FANCF: variants seen among roughly 807,000 people sequenced by gnomAD.
The protein encoded by FANCF is FA complementation group F.
For missense variants in FANCF, 552 were observed against 481.8 expected (o/e 1.15, Z -1.36); for synonymous variants, 257 against 205.9 (o/e 1.25, Z -2.13).
rs1036378563 is a variant in FANCF, at chr11:22,622,624, C to A, written c.*2062G>T. 5.4e-6 allele frequency: 1 copy of A among 185,076 alleles called. No individual in the cohort carries two copies. The highest frequency in any genetic ancestry group is 2.3e-5 in the African/African-American group (1 of 42,672). 11.5% of individuals were successfully genotyped at this position (185,076 alleles called of 1,614,324 possible). ...GTATATAAAGCTCTAATGCTGGTTTCATTTATTCAAACACTACAAGTATCT... is the reference window on the plus strand; with the variant it reads ...GTATATAAAGCTCTAATGCTGGTTTAATTTATTCAAACACTACAAGTATCT... On this transcript the variant is annotated 3_prime_UTR_variant, in exon 1 of 1. Coordinates refer to ENST00000327470, the MANE Select transcript of FANCF (RefSeq NM_022725.4).
rs954488568 is a variant in FANCF at position 22,623,763 on chromosome 11, G to C, written c.*923C>G. The C allele has an allele frequency of 1.1e-5, 2 of 180,176 alleles. No individual in the cohort carries two copies. The highest frequency in any genetic ancestry group is 1.8e-4 in the East Asian group (2 of 10,862). 11.2% of individuals were successfully genotyped at this position (180,176 alleles called of 1,614,324 possible). A position where few individuals can be genotyped will look rare whatever the true frequency, so the allele number is the denominator to read the frequency against. ...TAATCCCAGCACTTTGGGAGGCCAA[G>C]GCGGACGGATCACAAGGTCAGGTGT... On this transcript the variant is annotated 3_prime_UTR_variant, in exon 1 of 1. Coordinates refer to ENST00000327470, the MANE Select transcript of FANCF (RefSeq NM_022725.4).
rs371631248 is a variant in FANCF, at chr11:22,624,875, T to C, written c.936A>G (p.Gln312=). The C allele has an allele frequency of 1.2e-6, 2 of 1,614,118 alleles. No homozygotes were observed. The highest frequency in any genetic ancestry group is 1.7e-6 in the Non-Finnish European group (2 of 1,180,004). ...VPWEELHNRF[Q]SLCQAPPPLK... is the part of the protein sequence containing the mutation. ...GAGGTGGAGGGGCCTGACAGAGGCT[T>C]TGAAACCTATTGTGCAACTCCTCCC... Residue 312 remains glutamine (Q), a synonymous_variant, in exon 1 of 1, where the codon CAA becomes CAG. Transcript: ENST00000327470.
Position 22,624,980 on chromosome 11 carries a change from C to G in FANCF, c.831G>C (p.Leu277=), listed in dbSNP as rs1858619450. 1.2e-6 allele frequency: 2 copies of G among 1,614,074 alleles called. No homozygotes were observed. The highest frequency in any genetic ancestry group is 1.3e-5 in the African/African-American group (1 of 74,928). Reference sequence around the variant, plus strand: ...GCAAACGTTGACCCCAGTCTGTTAGCAGACCCAGATAGACAGGAGACAGCG... The same window carrying G: ...GCAAACGTTGACCCCAGTCTGTTAGGAGACCCAGATAGACAGGAGACAGCG... The part of the protein sequence containing the change: ...HPALSPVYLG[L]LTDWGQRLHY... Residue 277 remains leucine (L), a synonymous_variant, in exon 1 of 1, where the codon CTG becomes CTC. Coordinates refer to ENST00000327470, the MANE Select transcript of FANCF (RefSeq NM_022725.4).
Position 22,625,789 on chromosome 11 carries a change from G to A in FANCF, c.22C>T (p.Leu8=), listed in dbSNP as rs1181623769. The A allele has an allele frequency of 3.1e-6, 5 of 1,614,014 alleles. No individual in the cohort carries two copies. Among genetic ancestry groups the A allele is most frequent in the Non-Finnish European group, 4.2e-6 (5 of 1,180,040 alleles). The change falls in exon 1 of 1, where the codon CTG becomes TTG. Residue 8 remains leucine (L), a synonymous_variant. Coordinates refer to ENST00000327470, the MANE Select transcript of FANCF (RefSeq NM_022725.4). MESLLQH[L]DRFSELLAVS... Reference sequence around the variant, plus strand: ...GCCAGAAGCTCGGAAAAGCGATCCAGGTGCTGCAGAAGGGATTCCATGAGG... The same window carrying A: ...GCCAGAAGCTCGGAAAAGCGATCCAAGTGCTGCAGAAGGGATTCCATGAGG...
chr11:22,625,619 G>T lies in FANCF; in HGVS notation c.192C>A (p.Asn64Lys), dbSNP rs1413335884. The T allele has an allele frequency of 1.2e-6, 2 of 1,613,638 alleles. No homozygotes were observed. ...CAAAGCCGCCCTCTTGCCTCCACTGGTTGTGCAGCCGCCGCTCCAGAGCCG... is the reference window on the plus strand; with the variant it reads ...CAAAGCCGCCCTCTTGCCTCCACTGTTTGTGCAGCCGCCGCTCCAGAGCCG... ...IRTALERRLH[N>K]QWRQEGGFGR... Residue 64 changes from asparagine (N) to lysine (K), a missense_variant, in exon 1 of 1, where the codon AAC becomes AAA. Transcript: ENST00000327470.
At position 22,625,615 on chromosome 11, in the gene FANCF, A is replaced by G. The variant is rs1055714341; in HGVS notation, c.196T>C (p.Trp66Arg). 1.2e-6 allele frequency: 2 copies of G among 1,613,492 alleles called. No homozygotes were observed. Among genetic ancestry groups the G allele is most frequent in the African/African-American group, 1.3e-5 (1 of 74,894 alleles). The change falls in exon 1 of 1, where the codon TGG becomes CGG. Residue 66 changes from tryptophan to arginine, a missense_variant. Physicochemically the swap from Trp to Arg is moderately radical, Grantham distance 101. Transcript: ENST00000327470. ...TALERRLHNQWRQEGGFGRGP... is the reference protein window; with the variant it reads ...TALERRLHNQRRQEGGFGRGP... ...CGCCCAAAGCCGCCCTCTTGCCTCC[A>G]CTGGTTGTGCAGCCGCCGCTCCAGA... is the stretch of plus-strand genomic sequence containing the variant.
In FANCF at chr11:22,625,548, T is replaced by G. The variant is rs752081138; in HGVS notation, c.263A>C (p.His88Pro). 6.2e-7 allele frequency: 1 copy of G among 1,614,082 alleles called. No individual in the cohort carries two copies. The highest frequency in any genetic ancestry group is 1.7e-5 in the Admixed American group (1 of 60,032). ...GCGCAGAGAGAGCAGGACGTCACAG[T>G]GACCGAGGGCCTGGAAGTTCGCTAA... ...PGLANFQALGHCDVLLSLRLL... is the reference protein window; with the variant it reads ...PGLANFQALGPCDVLLSLRLL... Residue 88 changes from histidine to proline, a missense_variant, in exon 1 of 1, where the codon CAC (histidine) becomes CCC (proline). Coordinates refer to ENST00000327470, the MANE Select transcript of FANCF (RefSeq NM_022725.4).
In FANCF at chr11:22,625,802, G is replaced by A. The variant is rs1404225853; in HGVS notation, c.9C>T (p.Ser3=). The change falls in exon 1 of 1, where the codon TCC becomes TCT. Residue 3 remains serine (S), a synonymous_variant. Transcript: ENST00000327470. ME[S]LLQHLDRFSE... Reference sequence around the variant, plus strand: ...AAAAGCGATCCAGGTGCTGCAGAAGGGATTCCATGAGGTGCGCGAAGGCCC... The same window carrying A: ...AAAAGCGATCCAGGTGCTGCAGAAGAGATTCCATGAGGTGCGCGAAGGCCC... The A allele has an allele frequency of 6.2e-7, 1 of 1,614,066 alleles. No homozygotes were observed. Among genetic ancestry groups the A allele is most frequent in the Non-Finnish European group, 8.5e-7 (1 of 1,180,036 alleles).
rs1387756217 is a variant in FANCF at position 22,624,520 on chromosome 11, T to G, written c.*166A>C. ...CCTCTATCCAGAAAATCCGTGACAC[T>G]ACATGCCAGCTACTTTGCATATTTA... On this transcript the variant is annotated 3_prime_UTR_variant, in exon 1 of 1. Transcript: ENST00000327470. 1.0e-5 allele frequency: 7 copies of G among 669,452 alleles called. No individual in the cohort carries two copies. Among genetic ancestry groups the G allele is most frequent in the Non-Finnish European group, 1.8e-5 (7 of 388,770 alleles). The allele number at this position is 669,452 out of a possible 1,614,324, so 41.5% of individuals were successfully genotyped here. A position where few individuals can be genotyped will look rare whatever the true frequency, so the allele number is the denominator to read the frequency against.
rs374572943 is a variant in FANCF at position 22,625,461 on chromosome 11, G to A, written c.350C>T (p.Pro117Leu). The A allele has an allele frequency of 1.5e-4, 244 of 1,614,108 alleles. 3 individuals carry two copies. The highest frequency in any genetic ancestry group is 3.3e-4 in the South Asian group (30 of 91,090). Residue 117 changes from proline (P) to leucine (L), a missense_variant, in exon 1 of 1, where the codon CCC becomes CTC. Pro to Leu is a moderately conservative substitution (Grantham distance 98). Coordinates refer to ENST00000327470, the MANE Select transcript of FANCF (RefSeq NM_022725.4). ...ATCGGCGTCCCGGACGCCCGGGCCGGGAAAGAGTTGCTGCACCAGGTGGTA... is the reference window on the plus strand; with the variant it reads ...ATCGGCGTCCCGGACGCCCGGGCCGAGAAAGAGTTGCTGCACCAGGTGGTA... ...ARYHLVQQLF[P>L]GPGVRDADEE...
In FANCF at chr11:22,624,649, C is replaced by T. The variant is rs748482579; in HGVS notation, c.*37G>A. Reference sequence around the variant, plus strand: ...AACATTGTAATTTTCATTTTGTAAACTATATATTCTATATTCAAGTAATAA... The same window carrying T: ...AACATTGTAATTTTCATTTTGTAAATTATATATTCTATATTCAAGTAATAA... On this transcript the variant is annotated 3_prime_UTR_variant, in exon 1 of 1. Transcript: ENST00000327470. 6 of 1,584,470 alleles carry T rather than the reference C, an allele frequency of 3.8e-6. No individual in the cohort carries two copies. Among genetic ancestry groups the T allele is most frequent in the South Asian group, 1.1e-5 (1 of 90,454 alleles).
chr11:22,624,688 A>G lies in FANCF; in HGVS notation c.1123T>C (p.Ter375GlnextTer33), dbSNP rs1160334391. The change falls in exon 1 of 1, where the codon TAG becomes CAG. Residue 375 changes from the stop codon to glutamine, a stop_lost. Transcript: ENST00000327470. The part of the protein sequence containing the change: ...LGLSAGLSSV[*>Q] ...TTCAAGTAATAACACAGCATTGCCT[A>G]TACAGAACTGAGGCCTGCGCTGAGA... is the stretch of plus-strand genomic sequence containing the variant. The G allele has an allele frequency of 3.7e-6, 6 of 1,613,826 alleles. No individual in the cohort carries two copies. The highest frequency in any genetic ancestry group is 5.1e-6 in the Non-Finnish European group (6 of 1,179,780).
At position 22,624,079 on chromosome 11, in the gene FANCF, G is replaced by C. The variant is rs964587401; in HGVS notation, c.*607C>G. 4.3e-6 allele frequency: 1 copy of C among 232,754 alleles called. No individual in the cohort carries two copies. Among genetic ancestry groups the C allele is most frequent in the Non-Finnish European group, 8.5e-6 (1 of 117,856 alleles). The allele number at this position is 232,754 out of a possible 1,614,324, so 14.4% of individuals were successfully genotyped here. A position where few individuals can be genotyped will look rare whatever the true frequency, so the allele number is the denominator to read the frequency against. ...CGTATTTACTGTGCTTTAAACATTTGTCTGTGCGTCAATGCTTTAAAGGGA... is the reference window on the plus strand; with the variant it reads ...CGTATTTACTGTGCTTTAAACATTTCTCTGTGCGTCAATGCTTTAAAGGGA... On this transcript the variant is annotated 3_prime_UTR_variant, in exon 1 of 1. Transcript: ENST00000327470.
chr11:22,625,345 T>C lies in FANCF; in HGVS notation c.466A>G (p.Asn156Asp), dbSNP rs370979205. ...TTCATCAGAGAGTCCTCCTGGAGAT[T>C]TGGGTTCTCTCTATAGCCATTGAAG... Reference protein sequence around the residue: ...LRFNGYRENPNLQEDSLMKTQ... With the variant: ...LRFNGYRENPDLQEDSLMKTQ... The change falls in exon 1 of 1, where the codon AAT becomes GAT. Residue 156 changes from asparagine to aspartate, a missense_variant. Physicochemically the swap from Asn to Asp is conservative, Grantham distance 23. Transcript: ENST00000327470. The C allele has an allele frequency of 2.5e-5, 40 of 1,613,988 alleles. No homozygotes were observed. The highest frequency in any genetic ancestry group is 3.2e-5 in the Non-Finnish European group (38 of 1,180,018).
At position 22,624,113 on chromosome 11, in the gene FANCF, G is replaced by C. The variant is rs1212595329; in HGVS notation, c.*573C>G. 1.7e-5 allele frequency: 4 copies of C among 240,054 alleles called. No homozygotes were observed. The highest frequency in any genetic ancestry group is 8.8e-5 in the African/African-American group (4 of 45,318). The allele number at this position is 240,054 out of a possible 1,614,324, so 14.9% of individuals were successfully genotyped here. ...TCAATGCTTTAAAGGGACATACTAT[G>C]TGGTGATTCATTTTCAAAGTAAGAA... is the stretch of plus-strand genomic sequence containing the variant. On this transcript the variant is annotated 3_prime_UTR_variant, in exon 1 of 1. Coordinates refer to ENST00000327470, the MANE Select transcript of FANCF (RefSeq NM_022725.4).
rs1230568893 is a variant in FANCF, at chr11:22,625,155, T to C, written c.656A>G (p.Gln219Arg). ...GTGGATGCCGGGTTCCAACTCTTCTTGGGGCCGACGAGACAAAGGCGGCTG... is the reference window on the plus strand; with the variant it reads ...GTGGATGCCGGGTTCCAACTCTTCTCGGGGCCGACGAGACAAAGGCGGCTG... ...LLQPPLSRRP[Q>R]EELEPGIHKS... The change falls in exon 1 of 1, where the codon CAA becomes CGA. Residue 219 changes from glutamine (Q) to arginine (R), a missense_variant. Gln to Arg is a conservative substitution (Grantham distance 43). Coordinates refer to ENST00000327470, the MANE Select transcript of FANCF (RefSeq NM_022725.4). The C allele has an allele frequency of 4.4e-6, 7 of 1,608,416 alleles. No homozygotes were observed. The Admixed American group carries it at 5.0e-5, about 12-fold the overall frequency.
rs1858611434 is a variant in FANCF, at chr11:22,624,638, C to A, written c.*48G>T. On this transcript the variant is annotated 3_prime_UTR_variant, in exon 1 of 1. Coordinates refer to ENST00000327470, the MANE Select transcript of FANCF (RefSeq NM_022725.4). ...TATTTGGTGAGAACATTGTAATTTTCATTTTGTAAACTATATATTCTATAT... is the reference window on the plus strand; with the variant it reads ...TATTTGGTGAGAACATTGTAATTTTAATTTTGTAAACTATATATTCTATAT... 3 of 1,550,072 alleles carry A rather than the reference C, an allele frequency of 1.9e-6. No homozygotes were observed. In the South Asian group the frequency reaches 3.3e-5, roughly 17 times the overall value.
rs1163870884 is a variant in FANCF at position 22,623,358 on chromosome 11, CA to C, written c.*1327del. ...ACTTTCTAAATATCATTTTTTTCTC[CA>C]AAAAAATCCTCTTACCAGCTAACCT... On this transcript the variant is annotated 3_prime_UTR_variant, in exon 1 of 1. Coordinates refer to ENST00000327470, the MANE Select transcript of FANCF (RefSeq NM_022725.4). The C allele has an allele frequency of 1.5e-5, 3 of 200,648 alleles. No homozygotes were observed. The highest frequency in any genetic ancestry group is 3.1e-5 in the Non-Finnish European group (3 of 97,618). 12.4% of individuals were successfully genotyped at this position (200,648 alleles called of 1,614,324 possible).
At position 22,624,494 on chromosome 11, in the gene FANCF, T is replaced by C. The variant is rs1858608747; in HGVS notation, c.*192A>G. 6.5e-6 allele frequency: 4 copies of C among 617,832 alleles called. No homozygotes were observed. The highest frequency in any genetic ancestry group is 1.8e-5 in the African/African-American group (1 of 54,234). The allele number at this position is 617,832 out of a possible 1,614,324, so 38.3% of individuals were successfully genotyped here. A position where few individuals can be genotyped will look rare whatever the true frequency, so the allele number is the denominator to read the frequency against. On this transcript the variant is annotated 3_prime_UTR_variant, in exon 1 of 1. Transcript: ENST00000327470. ...TTTAAGTGGAGTACTTCCAATCACT[T>C]CCTCTATCCAGAAAATCCGTGACAC... is the stretch of plus-strand genomic sequence containing the variant.
Sources: allele counts gnomAD v4.1 joint callset, GRCh38; gene constraint gnomAD v4.1.1; transcripts MANE v1.5; gene names NCBI Gene and HGNC (gene_info 2026-07-23, HGNC 2026-07-21).